The following PIAS1 variants were observed in gnomAD, a reference collection of about 807,000 sequenced individuals.
The protein encoded by PIAS1 is protein inhibitor of activated STAT 1.
In PIAS1, 6 loss-of-function variants were observed where a neutral mutation model predicts 71.3. The observed-to-expected ratio is 0.08, with a 90% CI of 0.05 to 0.17. The LOEUF (loss-of-function observed/expected upper bound fraction) is 0.17. Among genes scored for constraint, PIAS1 ranks in the 10% least tolerant of loss-of-function variants. The pLI, the probability that PIAS1 is intolerant of heterozygous loss-of-function variation, is 1.00. For synonymous variants in PIAS1, 303 were observed against 292.9 expected, an observed-to-expected ratio of 1.03 and a Z score of -0.35; for missense variants, 555 against 793.6, an observed-to-expected ratio of 0.70 and a Z score of 3.61.
At position 68,177,278 on chromosome 15, in the gene PIAS1, C is replaced by CAAAAA. The variant is rs3083984; in HGVS notation, c.1481+639_1481+643dup. Among the ~76,000 whole-genome samples, 100 of 90,786 alleles carry CAAAAA rather than the reference C, an allele frequency of 1.1e-3. 1 individual carries two copies. The highest frequency in any genetic ancestry group is 7.1e-3 in the East Asian group (17 of 2,406). The allele number at this position is 90,786 out of a possible 152,430, so 59.6% of individuals were successfully genotyped here. On this transcript the variant is annotated intron_variant, in intron 11 of 13. Coordinates refer to ENST00000249636, the MANE Select transcript of PIAS1 (RefSeq NM_016166.3). ...TGGGCAACAGAGCGAGACTTTGTCT[C>CAAAAA]AAAAAAAAAAAAAAAAAAAGAAAGA...
chr15:68,069,663 G>A (rs1023906632), intron 1 of PIAS1, among the ~76,000 whole-genome samples: 1 of 152,052 alleles, frequency 6.6e-6, no homozygotes, highest in Admixed American at 6.5e-5. Flanking sequence ...TTAGCCGGGC[G>A]TGGTGGCGCG....
intron 2 of PIAS1, among the ~76,000 whole-genome samples, chr15:68,136,260 G>A (rs1278332201): frequency 1.8e-5 from 1 of 54,648 alleles, no homozygotes; most frequent in African/African-American, 3.9e-5. Flanking sequence ...CGGCTGGGAG[G>A]TGGAGGTTGT....
intron 2 of PIAS1, among the ~76,000 whole-genome samples, chr15:68,139,075 A>T (rs1004697466): frequency 6.6e-6 from 1 of 152,170 alleles, no homozygotes; most frequent in Non-Finnish European, 1.5e-5. Context: ...TATGTTACTC[A>T]TTTACATTCT....
chr15:68,172,743 C>T (rs996742673), intron 8 of PIAS1, among the ~76,000 whole-genome samples: 40 of 152,216 alleles, frequency 2.6e-4, no homozygotes, highest in Non-Finnish European at 1.6e-4. Context: ...TGTGGTACCT[C>T]CCTGTGCAGG....
intron 11 of PIAS1, among the ~76,000 whole-genome samples, chr15:68,180,554 T>C (rs1012435837): frequency 6.6e-6 from 1 of 152,230 alleles, no homozygotes; most frequent in Non-Finnish European, 1.5e-5. Flanking sequence ...CCAGTTATAC[T>C]GTTCTCTCTT....
intron 12 of PIAS1, among the ~76,000 whole-genome samples, chr15:68,182,463 G>A (rs1277714244): frequency 2.1e-5 from 2 of 93,624 alleles, no homozygotes; most frequent in Non-Finnish European, 4.5e-5. Context: ...TGTGTGTGTC[G>A]GAGTTTTGCT....
At chr15:68,162,583 G>C (rs1567070893) in intron 7 of PIAS1, among the ~76,000 whole-genome samples, 2 of 152,196 alleles carry the variant, frequency 1.3e-5, no homozygotes, top group Non-Finnish European at 2.9e-5. Flanking sequence ...TAGGCCATCA[G>C]CAAGCTGGAG....
intron 1 of PIAS1, among the ~76,000 whole-genome samples, chr15:68,075,864 C>G (rs2092158046): frequency 6.6e-6 from 1 of 151,592 alleles, no homozygotes; most frequent in African/African-American, 2.4e-5. Context: ...TCACTACAAC[C>G]TCGGCCCCCC....
chr15:68,102,270 C>T (rs976776818), intron 2 of PIAS1, among the ~76,000 whole-genome samples: 14 of 152,126 alleles, frequency 9.2e-5, no homozygotes, highest in East Asian at 3.8e-4. Flanking sequence ...ATTGTCTGTA[C>T]CTATGTGGGT....
chr15:68,096,993 G>T (rs1295157320), intron 2 of PIAS1, among the ~76,000 whole-genome samples: 1 of 152,136 alleles, frequency 6.6e-6, no homozygotes, highest in Non-Finnish European at 1.5e-5. Flanking sequence ...TGATCTTAGA[G>T]GAAAAGCTTT....
intron 2 of PIAS1, among the ~76,000 whole-genome samples, chr15:68,095,787 TC>T (rs200212212): frequency 0.028 from 4,229 of 152,258 alleles, 188 homozygotes; most frequent in African/African-American, 0.096. Flanking sequence ...CACCTCGGCC[TC>T]CCAAAGTGCT....
chr15:68,173,925 A>G lies in PIAS1; in HGVS notation c.1169+33A>G. 1 of 1,361,622 alleles carries G rather than the reference A, an allele frequency of 7.3e-7. No homozygotes were observed. The highest frequency in any genetic ancestry group is 9.8e-7 in the Non-Finnish European group (1 of 1,020,438). 84.3% of individuals were successfully genotyped at this position (1,361,622 alleles called of 1,614,324 possible). On this transcript the variant is annotated intron_variant, in intron 9 of 13. Transcript: ENST00000249636. The surrounding 1 kb of genome is among the most constrained non-coding windows in gnomAD (Gnocchi z 4.3). ...ACTTTAAGTGTTTTTGGTACCTTGA[A>G]ATGACCATATATTATCTGGGTTTGT...
Position 68,191,394 on chromosome 15 carries a change from T to G in PIAS1, c.*3559T>G, listed in dbSNP as rs984889506. 3.3e-5 allele frequency: 5 copies of G among 152,658 alleles called. No homozygotes were observed. Among genetic ancestry groups the G allele is most frequent in the African/African-American group, 9.6e-5 (4 of 41,464 alleles). The allele number at this position is 152,658 out of a possible 1,614,324, so 9.5% of individuals were successfully genotyped here. Reference sequence around the variant, plus strand: ...TTTATTACATGCATTGGAAAAAAATTGTTTACCTATTGAATGTTACCTGTT... The same window carrying G: ...TTTATTACATGCATTGGAAAAAAATGGTTTACCTATTGAATGTTACCTGTT... On this transcript the variant is annotated 3_prime_UTR_variant, in exon 14 of 14. Coordinates refer to ENST00000249636, the MANE Select transcript of PIAS1 (RefSeq NM_016166.3).
intron 1 of PIAS1, among the ~76,000 whole-genome samples, chr15:68,056,259 T>C (rs976063291): frequency 2.6e-5 from 4 of 152,238 alleles, no homozygotes; most frequent in Non-Finnish European, 5.9e-5. Context: ...CAGACTATAT[T>C]GTCACTCTTG....
intron 1 of PIAS1, among the ~76,000 whole-genome samples, chr15:68,080,359 A>G (rs976283125): frequency 2.6e-5 from 4 of 152,228 alleles, no homozygotes; most frequent in African/African-American, 2.4e-5. Context: ...ACCTCAATGC[A>G]GTCAATAAGA....
At chr15:68,097,202 A>G (rs2092382948) in intron 2 of PIAS1, among the ~76,000 whole-genome samples, 1 of 152,132 alleles carries the variant, frequency 6.6e-6, no homozygotes, top group South Asian at 2.1e-4. Context: ...TATTATATTG[A>G]ATTTCATACA....
At chr15:68,110,207 C>T (rs1017100902) in intron 2 of PIAS1, among the ~76,000 whole-genome samples, 1 of 151,964 alleles carries the variant, frequency 6.6e-6, no homozygotes, top group Non-Finnish European at 1.5e-5. Context: ...AAAAAGAAAA[C>T]AAAAGAATAC....
intron 12 of PIAS1, 106 bp downstream of exon 12, chr15:68,181,460 C>A: frequency 9.1e-7 from 1 of 1,099,390 alleles, no homozygotes; most frequent in Non-Finnish European, 1.3e-6. Flanking sequence ...ACTGAGCCAA[C>A]AGGGCCTTGG....
chr15:68,188,613 C>T lies in PIAS1; in HGVS notation c.*778C>T, dbSNP rs1037827838. ...TCCATCACATATTCTCTTATTTGCTCTGTACCCCCTGAGAATATGTTTTAG... is the reference window on the plus strand; with the variant it reads ...TCCATCACATATTCTCTTATTTGCTTTGTACCCCCTGAGAATATGTTTTAG... On this transcript the variant is annotated 3_prime_UTR_variant, in exon 14 of 14. Transcript: ENST00000249636. 6.6e-6 allele frequency: 1 copy of T among 152,220 alleles called. No homozygotes were observed. Among genetic ancestry groups the T allele is most frequent in the East Asian group, 1.9e-4 (1 of 5,198 alleles). 9.4% of individuals were successfully genotyped at this position (152,220 alleles called of 1,614,324 possible). A position where few individuals can be genotyped will look rare whatever the true frequency, so the allele number is the denominator to read the frequency against.
Sources: allele counts gnomAD v4.1 joint callset (sites outside exome capture counted in the v4.1 genomes callset), GRCh38; gene constraint gnomAD v4.1.1; non-coding constraint Gnocchi (gnomAD v3.1); transcripts MANE v1.5; gene names NCBI Gene and HGNC (gene_info 2026-07-23, HGNC 2026-07-21).